Variants in COL26A1 observed in about 807,000 individuals in gnomAD.
COL26A1 encodes collagen alpha-1(XXVI) chain.
Under a neutral mutation model 59.3 loss-of-function variants are expected in COL26A1, and 41 were observed. That is an observed-to-expected ratio of 0.69 (90% CI 0.54 to 0.90). The LOEUF (loss-of-function observed/expected upper bound fraction) is 0.90, where lower values mean the gene tolerates loss of function less well. Among genes scored for constraint, COL26A1 ranks in the 40% least tolerant of loss-of-function variants. The probability of loss-of-function intolerance (pLI) is 0.00; values close to 1 mark genes in which losing one functional copy is unlikely to be tolerated. For synonymous variants in COL26A1, 266 were observed against 256.0 expected (o/e 1.04, Z -0.37); for missense variants, 612 against 602.3 (o/e 1.02, Z -0.17).
At chr7:101,435,155 T>C (rs1033240543) in intron 2 of COL26A1, among the ~76,000 whole-genome samples, 14 of 152,082 alleles carry the variant, frequency 9.2e-5, no homozygotes, top group African/African-American at 3.4e-4. Flanking sequence ...TGAAACCCTG[T>C]CTCTACTAGA....
intron 2 of COL26A1, among the ~76,000 whole-genome samples, chr7:101,431,786 G>A (rs116996108): frequency 0.018 from 2,664 of 151,540 alleles, 34 homozygotes; most frequent in Non-Finnish European, 0.028. Context: ...ACTCTACCTG[G>A]TGATAATTTT....
Position 101,525,714 on chromosome 7 carries a change from T to C in COL26A1, c.386-7368T>C, listed in dbSNP as rs186594810. On this transcript the variant is annotated intron_variant, in intron 3 of 12. Coordinates refer to ENST00000313669, the MANE Select transcript of COL26A1 (RefSeq NM_001278563.3). ...GGTTTCACTGTGTTAGCCAGGATGG[T>C]CTCGATCTCCTGACCTCGTGATCCG... Among the ~76,000 whole-genome samples the C allele has an allele frequency of 8.6e-4, 131 of 152,134 alleles. 1 individual carries two copies. The highest frequency in any genetic ancestry group is 2.7e-3 in the African/African-American group (113 of 41,516).
chr7:101,515,872 A>G (rs1795018492), intron 3 of COL26A1, among the ~76,000 whole-genome samples: 1 of 152,170 alleles, frequency 6.6e-6, no homozygotes, highest in Non-Finnish European at 1.5e-5. Context: ...TACAGGCATG[A>G]GCTGCTGCAC....
At chr7:101,437,936 C>G (rs1038478542) in intron 2 of COL26A1, among the ~76,000 whole-genome samples, 2 of 151,986 alleles carry the variant, frequency 1.3e-5, no homozygotes, top group Admixed American at 1.3e-4. Context: ...TGGTCTTGAA[C>G]TCCTGGCTTC....
chr7:101,532,955 G>C, intron 3 of COL26A1, 127 bp from the exon 4 acceptor site: 3 of 713,986 alleles, frequency 4.2e-6, no homozygotes, highest in Admixed American at 2.2e-5. Context: ...ATGAATAGGA[G>C]TTTTCCAGGC....
chr7:101,532,189 C>G (rs1452831379), intron 3 of COL26A1, among the ~76,000 whole-genome samples: 2 of 152,152 alleles, frequency 1.3e-5, no homozygotes, highest in South Asian at 4.2e-4. Flanking sequence ...GAGAGATGTG[C>G]TCTTGGGCGG....
chr7:101,489,816 T>G (rs369765517), intron 3 of COL26A1, among the ~76,000 whole-genome samples: 2 of 4,756 alleles, frequency 4.2e-4, no homozygotes, highest in Admixed American at 4.4e-3. Context: ...CTTTCTTTCT[T>G]TCTTTCTTTC....
rs979434365 is a variant in COL26A1 at position 101,371,303 on chromosome 7, C to A, written c.158+8113C>A. Among the ~76,000 whole-genome samples, 15 of 152,244 alleles carry A rather than the reference C, an allele frequency of 9.9e-5. No homozygotes were observed. The East Asian group carries it at 2.9e-3, about 29-fold the overall frequency. ...CTTGTCCCTCCGACTGGATTGCATG[C>A]CTCTGCAGTGTTGGACCCCTGCCTT... On this transcript the variant is annotated intron_variant, in intron 1 of 12. Transcript: ENST00000313669.
At chr7:101,419,370 C>G (rs920643273) in intron 1 of COL26A1, among the ~76,000 whole-genome samples, 1 of 152,070 alleles carries the variant, frequency 6.6e-6, no homozygotes, top group Non-Finnish European at 1.5e-5. Context: ...CCTCAGCCTC[C>G]TAAAGTGCTA....
rs573048351 is a variant in COL26A1, at chr7:101,425,254, G to A, written c.281+5155G>A. On this transcript the variant is annotated intron_variant, in intron 2 of 12. Coordinates refer to ENST00000313669, the MANE Select transcript of COL26A1 (RefSeq NM_001278563.3). The stretch of plus-strand genomic sequence containing the variant: ...ACAAAAATTAGCCAGGCGTGGTGGC[G>A]GGTGCCTCTAATCCCAGCTACTCAG... Among the ~76,000 whole-genome samples the A allele has an allele frequency of 3.4e-5, 5 of 147,682 alleles. No individual in the cohort carries two copies. The East Asian group carries it at 5.8e-4, about 17-fold the overall frequency.
At chr7:101,434,554 G>A (rs1584404446) in intron 2 of COL26A1, among the ~76,000 whole-genome samples, 2 of 123,464 alleles carry the variant, frequency 1.6e-5, no homozygotes, top group South Asian at 2.8e-4. Flanking sequence ...GAGCCACTGC[G>A]CCTGGCCTGA....
intron 3 of COL26A1, among the ~76,000 whole-genome samples, chr7:101,462,465 T>C (rs1240929255): frequency 2.0e-5 from 3 of 151,900 alleles, no homozygotes; most frequent in Non-Finnish European, 2.9e-5. Context: ...TATAGGTGTG[T>C]ACCACCACAC....
chr7:101,551,873 CCTA>C (rs1437262377), intron 10 of COL26A1, among the ~76,000 whole-genome samples: 1 of 152,190 alleles, frequency 6.6e-6, no homozygotes, highest in East Asian at 1.9e-4. Flanking sequence ...TTGCTGAGCA[CCTA>C]CTATGTGCTG....
chr7:101,540,003 T>A lies in COL26A1; in HGVS notation c.558T>A (p.Pro186=). The A allele has an allele frequency of 6.2e-7, 1 of 1,612,566 alleles. No homozygotes were observed. Among genetic ancestry groups the A allele is most frequent in the Non-Finnish European group, 8.5e-7 (1 of 1,179,676 alleles). ...AGGACTTCCTCCCCGACGCCATCCC[T>A]CTTGCTCACCCTGTGCCACGACAGA... ...WNEDFLPDAI[P]LAHPVPRQRR... is the part of the protein sequence containing the mutation. Residue 186 remains proline, a synonymous_variant, in exon 5 of 13, where the codon CCT becomes CCA. Transcript: ENST00000313669.
intron 1 of COL26A1, among the ~76,000 whole-genome samples, chr7:101,371,744 A>G (rs987562671): frequency 6.6e-6 from 1 of 152,170 alleles, no homozygotes; most frequent in Non-Finnish European, 1.5e-5. Context: ...GTGAGCTATG[A>G]TTACACCACT....
intron 8 of COL26A1, 79 bp downstream of exon 8, chr7:101,547,318 G>C (rs1584505271): frequency 1.4e-5 from 14 of 988,818 alleles, no homozygotes; most frequent in Middle Eastern, 2.1e-4. Context: ...CTTGAGGGGA[G>C]CTGGAGGTCG....
intron 3 of COL26A1, among the ~76,000 whole-genome samples, chr7:101,532,735 A>AT (rs1562792707): frequency 6.6e-6 from 1 of 152,148 alleles, no homozygotes; most frequent in African/African-American, 2.4e-5. Flanking sequence ...ATTGTCAGAT[A>AT]TTTTTTGAGT....
chr7:101,499,041 T>C (rs1794646337), intron 3 of COL26A1, among the ~76,000 whole-genome samples: 1 of 152,216 alleles, frequency 6.6e-6, no homozygotes, highest in Non-Finnish European at 1.5e-5. Flanking sequence ...AATGGAGCCA[T>C]TCGGCCTCAA....
intron 1 of COL26A1, among the ~76,000 whole-genome samples, chr7:101,376,603 T>C (rs530003929): frequency 1.3e-5 from 2 of 152,304 alleles, no homozygotes; most frequent in South Asian, 2.1e-4. Context: ...CCACCCTTGC[T>C]GCTGCAGGGG....
Sources: allele counts gnomAD v4.1 joint callset (sites outside exome capture counted in the v4.1 genomes callset), GRCh38; gene constraint gnomAD v4.1.1; transcripts MANE v1.5; gene names NCBI Gene and HGNC (gene_info 2026-07-23, HGNC 2026-07-21).